TRIP11: variants seen among roughly 807,000 people sequenced by gnomAD.
The protein encoded by TRIP11 is thyroid receptor-interacting protein 11.
In TRIP11, 148 loss-of-function variants were observed where a neutral mutation model predicts 223.1. That is an observed-to-expected ratio of 0.66 (90% confidence interval 0.58 to 0.76). The LOEUF (loss-of-function observed/expected upper bound fraction) is 0.76. Ranked by LOEUF, TRIP11 falls within the 30% of genes least tolerant of loss-of-function variation. The pLI is 0.00. For missense variants in TRIP11, 2,043 were observed against 2,222.0 expected (o/e 0.92, Z 1.62); for synonymous variants, 762 against 772.6 (o/e 0.99, Z 0.23).
intron 1 of TRIP11, among the ~76,000 whole-genome samples, chr14:92,034,280 G>A (rs1016504020): frequency 4.1e-4 from 62 of 152,014 alleles, no homozygotes; most frequent in African/African-American, 1.3e-3. Flanking sequence ...AAAATTAGCC[G>A]GGTGTGGTGG....
chr14:92,004,347 T>A lies in TRIP11; in HGVS notation c.3629A>T (p.Glu1210Val). ...TACTTGCTGTTTTAACTTGTCACGT[T>A]CCTGTAGAAGCTCCTCAAATTGATT... ...NSNQFEELLQ[E>V]RDKLKQQVKK... The change falls in exon 11 of 21, where the codon GAA becomes GTA. Residue 1210 changes from glutamate (E) to valine (V), a missense_variant. Coordinates refer to ENST00000267622, the MANE Select transcript of TRIP11 (RefSeq NM_004239.4). The A allele has an allele frequency of 6.2e-7, 1 of 1,614,130 alleles. No homozygotes were observed. Among genetic ancestry groups the A allele is most frequent in the Non-Finnish European group, 8.5e-7 (1 of 1,180,014 alleles).
At chr14:92,008,383 G>T (rs2056931200) in intron 9 of TRIP11, among the ~76,000 whole-genome samples, 1 of 152,066 alleles carries the variant, frequency 6.6e-6, no homozygotes, top group Non-Finnish European at 1.5e-5. Flanking sequence ...CTTACTAAAG[G>T]AATTTCCCTT....
chr14:92,006,021 C>A lies in TRIP11; in HGVS notation c.1955G>T (p.Arg652Ile). 1 of 1,587,500 alleles carries A rather than the reference C, an allele frequency of 6.3e-7. No individual in the cohort carries two copies. The highest frequency in any genetic ancestry group is 8.5e-7 in the Non-Finnish European group (1 of 1,171,122). ...TLLKEREAEV[R>I]NLKQNLSELE... The stretch of plus-strand genomic sequence containing the variant: ...TTCTGAAAGATTTTGCTTTAAGTTT[C>A]TAACTTCAGCTTCTCTTTCTTTAAG... The change falls in exon 11 of 21, where the codon AGA (arginine) becomes ATA (isoleucine). Residue 652 changes from arginine to isoleucine, a missense_variant. By Grantham distance (97) the Arg-to-Ile change is moderately conservative. Coordinates refer to ENST00000267622, the MANE Select transcript of TRIP11 (RefSeq NM_004239.4).
chr14:92,024,282 G>C (rs2057151776), intron 3 of TRIP11, among the ~76,000 whole-genome samples: 1 of 150,564 alleles, frequency 6.6e-6, no homozygotes, highest in Non-Finnish European at 1.5e-5. Flanking sequence ...GGCGGCACGA[G>C]AATTGCTTGA....
intron 2 of TRIP11, among the ~76,000 whole-genome samples, chr14:92,029,401 T>C (rs760474055): frequency 6.9e-6 from 1 of 144,644 alleles, no homozygotes. Context: ...GTTCAAGCAA[T>C]TCTCCTGCCT....
Position 91,974,689 on chromosome 14 carries a change from C to G in TRIP11, c.5512G>C (p.Gly1838Arg). 1 of 1,612,974 alleles carries G rather than the reference C, an allele frequency of 6.2e-7. No individual in the cohort carries two copies. Among genetic ancestry groups the G allele is most frequent in the South Asian group, 1.1e-5 (1 of 91,026 alleles). The change falls in exon 19 of 21, where the codon GGA becomes CGA. Residue 1838 changes from glycine (G) to arginine (R), a missense_variant. By Grantham distance (125) the Gly-to-Arg change is moderately radical. Coordinates refer to ENST00000267622, the MANE Select transcript of TRIP11 (RefSeq NM_004239.4). The part of the protein sequence containing the change: ...VTRWMTGWLG[G>R]GSKSVPNTPL... ...GTGTTGGGAACACTTTTTGATCCTC[C>G]TCCAAGCCACCCAGTCATCCACCTG...
intron 16 of TRIP11, among the ~76,000 whole-genome samples, chr14:91,986,645 A>G (rs10145704): frequency 0.012 from 1,867 of 152,332 alleles, 40 homozygotes; most frequent in African/African-American, 0.041. Flanking sequence ...GTAGCATAAC[A>G]TATAGCACTG....
At chr14:91,973,067 C>A (rs1231229668) in intron 19 of TRIP11, among the ~76,000 whole-genome samples, 1 of 149,920 alleles carries the variant, frequency 6.7e-6, no homozygotes, top group Non-Finnish European at 1.5e-5. Flanking sequence ...GCTCTGTCGC[C>A]CAGGCTGGAG....
At chr14:91,983,193 A>T (rs1200340868) in intron 16 of TRIP11, among the ~76,000 whole-genome samples, 1 of 152,210 alleles carries the variant, frequency 6.6e-6, no homozygotes, top group Non-Finnish European at 1.5e-5. Flanking sequence ...CATGTATTTG[A>T]TGCATGTCAT....
Position 92,003,601 on chromosome 14 carries a change from C to T in TRIP11, c.4375G>A (p.Gly1459Ser). Residue 1459 changes from glycine to serine, a missense_variant, in exon 11 of 21, where the codon GGC becomes AGC. By Grantham distance (56) the Gly-to-Ser change is moderately conservative. Transcript: ENST00000267622. ...TTTTCATTTTCTCCTTTTAGTTTGC[C>T]AATGTCCATCTCTAGAATTAATATT... ...ERILILEMDI[G>S]KLKGENEKIV... The T allele has an allele frequency of 6.2e-7, 1 of 1,614,100 alleles. No individual in the cohort carries two copies. The highest frequency in any genetic ancestry group is 8.5e-7 in the Non-Finnish European group (1 of 1,180,018).
chr14:91,968,828 G>GT lies in TRIP11; in HGVS notation c.*844dup, dbSNP rs1396480593. On this transcript the variant is annotated 3_prime_UTR_variant, in exon 21 of 21. Coordinates refer to ENST00000267622, the MANE Select transcript of TRIP11 (RefSeq NM_004239.4). ...AACAAAATGACTGAGATGGAGAACA[G>GT]TAAGTGGTTGTCAGGGATTAAGGAG... The GT allele has an allele frequency of 4.3e-6, 1 of 233,016 alleles. No homozygotes were observed. Among genetic ancestry groups the GT allele is most frequent in the Non-Finnish European group, 8.5e-6 (1 of 117,214 alleles). The allele number at this position is 233,016 out of a possible 1,614,324, so 14.4% of individuals were successfully genotyped here.
At position 91,969,614 on chromosome 14, in the gene TRIP11, A is replaced by T. The variant is rs571487642; in HGVS notation, c.*59T>A. 2.0e-6 allele frequency: 3 copies of T among 1,538,072 alleles called. No individual in the cohort carries two copies. In the East Asian group the frequency reaches 6.7e-5, roughly 35 times the overall value. On this transcript the variant is annotated 3_prime_UTR_variant, in exon 21 of 21. Coordinates refer to ENST00000267622, the MANE Select transcript of TRIP11 (RefSeq NM_004239.4). ...CAAAGGCCACTTTGTGATAAAGTAC[A>T]TACATATAGTGTTCATGGTTTCTTT...
intron 3 of TRIP11, among the ~76,000 whole-genome samples, 177 bp downstream of exon 3, chr14:92,025,123 AAAGTTTACAT>A (rs2057164808): frequency 4.6e-5 from 7 of 152,178 alleles, no homozygotes; most frequent in Admixed American, 3.9e-4. Flanking sequence ...TAAACTTAAT[AAAGTTTACAT>A]TACCTTACAA....
rs112400543 is a variant in TRIP11 at position 91,970,182 on chromosome 14, G to A, written c.5720-289C>T. 0.036 allele frequency among the ~76,000 whole-genome samples: 5,539 copies of A among 152,192 alleles called. 154 individuals carry two copies. Among genetic ancestry groups the A allele is most frequent in the Non-Finnish European group, 0.055 (3,747 of 67,998 alleles). On this transcript the variant is annotated intron_variant, in intron 20 of 20. Transcript: ENST00000267622. Reference sequence around the variant, plus strand: ...AGCACTTTGGGAGGCTGAGGTGGGCGGATCACCTGAGGTCAGGAGTTTGAG... The same window carrying A: ...AGCACTTTGGGAGGCTGAGGTGGGCAGATCACCTGAGGTCAGGAGTTTGAG...
At position 92,014,467 on chromosome 14, in the gene TRIP11, C is replaced by G; in HGVS notation, c.934G>C (p.Glu312Gln). Residue 312 changes from glutamate (E) to glutamine (Q), a missense_variant, in exon 7 of 21, where the codon GAG (glutamate) becomes CAG (glutamine). Physicochemically the swap from Glu to Gln is conservative, Grantham distance 29. Coordinates refer to ENST00000267622, the MANE Select transcript of TRIP11 (RefSeq NM_004239.4). ...TTATTTATATCTTTTATTTTATCCT[C>G]AAGTTGTTCCATTTTTTTGGTAGAC... ...VESTKKMEQL[E>Q]DKIKDINKKL... The G allele has an allele frequency of 1.9e-6, 3 of 1,595,348 alleles. No individual in the cohort carries two copies. The highest frequency in any genetic ancestry group is 2.6e-6 in the Non-Finnish European group (3 of 1,173,716).
intron 9 of TRIP11, among the ~76,000 whole-genome samples, chr14:92,010,357 C>T (rs181442836): frequency 1.3e-4 from 20 of 152,174 alleles, no homozygotes; most frequent in Admixed American, 1.2e-3. Flanking sequence ...ATGGAGAAAC[C>T]CCGTCTCCAC....
intron 16 of TRIP11, among the ~76,000 whole-genome samples, chr14:91,983,827 G>A (rs2056572308): frequency 1.3e-5 from 2 of 152,122 alleles, no homozygotes; most frequent in East Asian, 3.8e-4. Flanking sequence ...GACATTATAT[G>A]TTTTCTTGTA....
At chr14:91,988,172 T>C (rs896807608) in intron 16 of TRIP11, 112 bp downstream of exon 16, 31 of 775,416 alleles carry the variant, frequency 4.0e-5, no homozygotes, top group Non-Finnish European at 6.3e-5. Context: ...CAAATGGAAG[T>C]CACACATCAA....
chr14:92,015,944 T>A, intron 5 of TRIP11, 83 bp from the exon 6 acceptor site: 1 of 1,315,508 alleles, frequency 7.6e-7, no homozygotes, highest in Non-Finnish European at 1.0e-6. Context: ...TCCAAAAGTG[T>A]GCATTATTAA....
Sources: allele counts gnomAD v4.1 joint callset (sites outside exome capture counted in the v4.1 genomes callset), GRCh38; gene constraint gnomAD v4.1.1; transcripts MANE v1.5; gene names NCBI Gene and HGNC (gene_info 2026-07-23, HGNC 2026-07-21).